Variants in MEI4 observed in about 807,000 individuals in gnomAD.
MEI4 encodes the protein meiotic double-stranded break formation protein 4.
A neutral mutation model predicts 31.4 loss-of-function variants in MEI4; 27 were observed. That is an observed-to-expected ratio of 0.86 (90% CI 0.63 to 1.19). The LOEUF (loss-of-function observed/expected upper bound fraction) is 1.19. MEI4 is among the 50% of genes most tolerant of loss of function. The pLI, the probability that MEI4 is intolerant of heterozygous loss-of-function variation, is 0.00. For missense variants in MEI4, 329 were observed against 398.9 expected (o/e 0.82, Z 1.49); for synonymous variants, 122 against 145.4 (o/e 0.84, Z 1.16).
At chr6:77,871,392 T>C (rs1374067323) in intron 4 of MEI4, among the ~76,000 whole-genome samples, 1 of 152,196 alleles carries the variant, frequency 6.6e-6, no homozygotes, top group African/African-American at 2.4e-5. Flanking sequence ...TAGATCTAAA[T>C]ACACATATCA....
intron 4 of MEI4, among the ~76,000 whole-genome samples, chr6:77,883,465 G>C (rs1329626957): frequency 6.6e-6 from 1 of 151,042 alleles, no homozygotes; most frequent in African/African-American, 2.4e-5. Context: ...CTCCCCCCGT[G>C]AGCCTCTGCT....
intron 2 of MEI4, among the ~76,000 whole-genome samples, chr6:77,736,366 C>T (rs1032796346): frequency 5.9e-5 from 9 of 152,030 alleles, no homozygotes; most frequent in East Asian, 1.9e-4. Flanking sequence ...GTTGGAAAAG[C>T]GCAGTATTTG....
intron 1 of MEI4, among the ~76,000 whole-genome samples, chr6:77,660,902 A>G (rs1768492625): frequency 6.6e-6 from 1 of 152,112 alleles, no homozygotes; most frequent in African/African-American, 2.4e-5. Flanking sequence ...ATTCTTAACA[A>G]GAACTGATTG....
At chr6:77,699,185 G>GTTT (rs1277750810) in intron 2 of MEI4, among the ~76,000 whole-genome samples, 1 of 104,116 alleles carries the variant, frequency 9.6e-6, no homozygotes, top group Non-Finnish European at 1.9e-5. Context: ...TTTTTTCAAA[G>GTTT]TTTCTTTTTT....
intron 3 of MEI4, among the ~76,000 whole-genome samples, chr6:77,821,344 A>G (rs945262888): frequency 1.3e-5 from 2 of 152,210 alleles, no homozygotes; most frequent in Non-Finnish European, 2.9e-5. Context: ...AAGAATTCTG[A>G]AAAACTGAAC....
chr6:77,699,946 C>A (rs185643761), intron 2 of MEI4, among the ~76,000 whole-genome samples: 2 of 152,228 alleles, frequency 1.3e-5, no homozygotes, highest in Non-Finnish European at 2.9e-5. Flanking sequence ...TGCCTGATCG[C>A]TCCTCTGGAA....
intron 2 of MEI4, among the ~76,000 whole-genome samples, chr6:77,757,727 C>T (rs1358983630): frequency 1.3e-5 from 2 of 152,108 alleles, no homozygotes; most frequent in Non-Finnish European, 2.9e-5. Flanking sequence ...CTTTAACTTC[C>T]ATGAAAGAAA....
Position 77,799,871 on chromosome 6 carries a change from G to A in MEI4, c.769-29060G>A, listed in dbSNP as rs554237448. 3.2e-4 allele frequency among the ~76,000 whole-genome samples: 49 copies of A among 151,862 alleles called. 1 individual carries two copies. The East Asian group carries it at 6.2e-3, about 19-fold the overall frequency. ...TCGTCTATATCTCTGCTTTGGTACTGGTACCATGCTGTTTTGGTTACTGTA... is the reference window on the plus strand; with the variant it reads ...TCGTCTATATCTCTGCTTTGGTACTAGTACCATGCTGTTTTGGTTACTGTA... On this transcript the variant is annotated intron_variant, in intron 3 of 4. Coordinates refer to ENST00000684080, the MANE Select transcript of MEI4 (RefSeq NM_001322247.2).
chr6:77,857,789 A>G (rs1158822977), intron 4 of MEI4, among the ~76,000 whole-genome samples: 1 of 152,192 alleles, frequency 6.6e-6, no homozygotes, highest in Non-Finnish European at 1.5e-5. Context: ...TTTGAAATCC[A>G]ACAGTTGGTG....
chr6:77,737,566 A>T (rs773486114), intron 2 of MEI4, among the ~76,000 whole-genome samples: 8 of 152,206 alleles, frequency 5.3e-5, no homozygotes, highest in Non-Finnish European at 1.2e-4. Flanking sequence ...CGACTGGATG[A>T]TATGATAGAA....
intron 4 of MEI4, among the ~76,000 whole-genome samples, chr6:77,840,099 G>T (rs184799561): frequency 3.1e-4 from 47 of 152,144 alleles, no homozygotes; most frequent in African/African-American, 1.1e-3. Flanking sequence ...TGTGTTGTGT[G>T]TGTTTTTTGT....
chr6:77,857,932 C>G (rs538153541), intron 4 of MEI4, among the ~76,000 whole-genome samples: 2 of 152,304 alleles, frequency 1.3e-5, no homozygotes, highest in South Asian at 2.1e-4. Flanking sequence ...CATCACAGTT[C>G]ATTCTAAGTA....
intron 3 of MEI4, among the ~76,000 whole-genome samples, chr6:77,825,865 G>A (rs1035479497): frequency 2.0e-5 from 3 of 152,248 alleles, no homozygotes; most frequent in Non-Finnish European, 4.4e-5. Flanking sequence ...AAACATTATA[G>A]TAGGGTTAAG....
intron 4 of MEI4, among the ~76,000 whole-genome samples, chr6:77,881,298 ATCT>A (rs1381508978): frequency 2.2e-4 from 34 of 152,294 alleles, no homozygotes; most frequent in Admixed American, 2.0e-3. Context: ...CATCACTTTA[ATCT>A]TCTTCAACTA....
At chr6:77,676,815 C>T (rs1179075144) in intron 1 of MEI4, among the ~76,000 whole-genome samples, 1 of 152,052 alleles carries the variant, frequency 6.6e-6, no homozygotes, top group Non-Finnish European at 1.5e-5. Context: ...CCACCATTTC[C>T]CCCATCACTA....
intron 2 of MEI4, among the ~76,000 whole-genome samples, chr6:77,730,283 C>G (rs1326772698): frequency 6.6e-6 from 1 of 152,118 alleles, no homozygotes; most frequent in South Asian, 2.1e-4. Context: ...GGAAATTATG[C>G]AGGTGGATTC....
At chr6:77,707,775 C>T (rs1043632493) in intron 2 of MEI4, among the ~76,000 whole-genome samples, 8 of 152,234 alleles carry the variant, frequency 5.3e-5, no homozygotes, top group African/African-American at 1.9e-4. Context: ...ACTACAGCTC[C>T]ACCTGTGGCT....
chr6:77,782,082 A>G (rs1447158133), intron 3 of MEI4, among the ~76,000 whole-genome samples: 1 of 152,172 alleles, frequency 6.6e-6, no homozygotes, highest in Non-Finnish European at 1.5e-5. Context: ...TGCTCTGAGA[A>G]GTCACAGGTC....
At chr6:77,731,655 G>A (rs558917280) in intron 2 of MEI4, among the ~76,000 whole-genome samples, 7,190 of 150,920 alleles carry the variant, frequency 0.048, 502 homozygotes, top group African/African-American at 0.15. Context: ...TGTCAATTTT[G>A]GCTTTTGTTG....
Sources: gnomAD v4.1 joint callset for allele counts (sites outside exome capture counted in the v4.1 genomes callset) on GRCh38, gnomAD v4.1.1 for gene constraint, MANE v1.5 for transcripts, NCBI Gene and HGNC (gene_info 2026-07-23, HGNC 2026-07-21) for gene names.